PRIM2: variants seen among roughly 807,000 people sequenced by gnomAD.
PRIM2 encodes DNA primase large subunit.
Under a neutral mutation model 67.3 loss-of-function variants are expected in PRIM2, and 39 were observed. The observed-to-expected ratio is 0.58, with a 90% CI of 0.45 to 0.76. The LOEUF is 0.76. Among genes scored for constraint, PRIM2 ranks in the 30% least tolerant of loss-of-function variants. The pLI, the probability that PRIM2 is intolerant of heterozygous loss-of-function variation, is 0.00. For missense variants in PRIM2, 398 were observed against 598.7 expected (o/e 0.66, Z 3.50); for synonymous variants, 143 against 198.7 (o/e 0.72, Z 2.36).
At chr6:57,532,667 G>A (rs1458621648) in intron 9 of PRIM2, among the ~76,000 whole-genome samples, 184 bp downstream of exon 9, 1 of 152,106 alleles carries the variant, frequency 6.6e-6, no homozygotes, top group East Asian at 1.9e-4. Flanking sequence ...CATTTAATCA[G>A]AAAATTATCT....
chr6:57,560,784 T>C (rs1775610947), intron 10 of PRIM2, among the ~76,000 whole-genome samples: 1 of 152,188 alleles, frequency 6.6e-6, no homozygotes, highest in African/African-American at 2.4e-5. Context: ...GTCTCAATAG[T>C]GGGCTTAACT....
At chr6:57,434,607 G>A (rs1271521375) in intron 7 of PRIM2, among the ~76,000 whole-genome samples, 1 of 152,062 alleles carries the variant, frequency 6.6e-6, no homozygotes, top group African/African-American at 2.4e-5. Context: ...TAATTATTGA[G>A]TAAAAGTTAA....
At chr6:57,438,840 T>C (rs1224597520) in intron 7 of PRIM2, among the ~76,000 whole-genome samples, 1 of 150,936 alleles carries the variant, frequency 6.6e-6, no homozygotes, top group African/African-American at 2.4e-5. Context: ...TAGTGTGATC[T>C]CGGCTCACTG....
chr6:57,342,505 G>A (rs1169156108), intron 5 of PRIM2, among the ~76,000 whole-genome samples: 8 of 152,148 alleles, frequency 5.3e-5, no homozygotes, highest in Admixed American at 3.9e-4. Context: ...CTGTGCTCTC[G>A]CAGTCTAGAG....
chr6:57,229,172 T>C, the PRIM2 span, among the ~76,000 whole-genome samples: 43 of 152,354 alleles, frequency 2.8e-4, no homozygotes, highest in African/African-American at 1.0e-3. Context: ...TCTTCAAATA[T>C]TGCCTCTAAC....
At chr6:57,429,633 A>G (rs1448949046) in intron 7 of PRIM2, among the ~76,000 whole-genome samples, 2 of 152,206 alleles carry the variant, frequency 1.3e-5, no homozygotes, top group African/African-American at 4.8e-5. Flanking sequence ...TAAAGAGACA[A>G]TTAAGTTAAA....
chr6:57,370,426 C>T (rs559238815), intron 5 of PRIM2, among the ~76,000 whole-genome samples: 2 of 152,332 alleles, frequency 1.3e-5, no homozygotes, highest in South Asian at 4.1e-4. Flanking sequence ...AAGTTTCTGA[C>T]AGTCATCCTA....
At chr6:57,417,600 A>C (rs1193619216) in intron 7 of PRIM2, among the ~76,000 whole-genome samples, 3 of 152,212 alleles carry the variant, frequency 2.0e-5, no homozygotes, top group African/African-American at 7.2e-5. Context: ...CAAGACACAC[A>C]ATATTTCCTG....
At chr6:57,345,776 G>A (rs1460354550) in intron 5 of PRIM2, among the ~76,000 whole-genome samples, 2 of 152,174 alleles carry the variant, frequency 1.3e-5, no homozygotes, top group Admixed American at 6.5e-5. Flanking sequence ...CCTACGGGCT[G>A]CTGGTTGGCT....
intron 12 of PRIM2, among the ~76,000 whole-genome samples, chr6:57,608,997 G>A (rs1159120190): frequency 1.3e-5 from 2 of 152,118 alleles, no homozygotes; most frequent in African/African-American, 4.8e-5. Context: ...TTGTTTACCT[G>A]TTCATCTTTC....
chr6:57,567,905 A>G (rs1468874827), intron 10 of PRIM2, among the ~76,000 whole-genome samples: 1 of 152,192 alleles, frequency 6.6e-6, no homozygotes, highest in East Asian at 1.9e-4. Flanking sequence ...ATAATTCTGC[A>G]TTATGTTTTC....
chr6:57,599,107 C>T (rs1776418293), intron 10 of PRIM2, among the ~76,000 whole-genome samples: 1 of 64,474 alleles, frequency 1.6e-5, no homozygotes, highest in Non-Finnish European at 2.9e-5. Flanking sequence ...CTACCACACC[C>T]GGCTAATTTT....
At chr6:57,581,374 C>T (rs1423958519) in intron 10 of PRIM2, among the ~76,000 whole-genome samples, 13 of 152,132 alleles carry the variant, frequency 8.5e-5, no homozygotes, top group African/African-American at 2.9e-4. Flanking sequence ...GTCTTTTCGG[C>T]TAGAAGTATG....
chr6:57,504,159 C>T (rs1290215479), intron 7 of PRIM2, among the ~76,000 whole-genome samples: 1 of 152,150 alleles, frequency 6.6e-6, no homozygotes, highest in African/African-American at 2.4e-5. Context: ...CCTCCAGACT[C>T]CCTTTTGTCT....
chr6:57,310,376 A>G (rs1419417027), upstream of PRIM2, among the ~76,000 whole-genome samples: 2 of 152,258 alleles, frequency 1.3e-5, no homozygotes, highest in African/African-American at 4.8e-5. Flanking sequence ...GGGTAAGGTT[A>G]TAGATTAACA....
intron 10 of PRIM2, among the ~76,000 whole-genome samples, chr6:57,569,147 T>C: frequency 6.6e-6 from 1 of 152,242 alleles, no homozygotes; most frequent in Non-Finnish European, 1.5e-5. Context: ...CTAAGGTCTG[T>C]CTTATGCTCT....
the PRIM2 span, among the ~76,000 whole-genome samples, chr6:57,278,984 G>T: frequency 1.3e-5 from 2 of 152,188 alleles, no homozygotes; most frequent in Admixed American, 6.5e-5. Context: ...CAAATATTCT[G>T]TTATGCTTAT....
intron 7 of PRIM2, among the ~76,000 whole-genome samples, chr6:57,391,223 T>C (rs993248160): frequency 6.8e-6 from 1 of 146,584 alleles, no homozygotes; most frequent in Non-Finnish European, 1.5e-5. Context: ...TTGCCCACTT[T>C]TTAATGGGGT....
At chr6:57,230,419 C>T in the PRIM2 span, among the ~76,000 whole-genome samples, 28 of 152,104 alleles carry the variant, frequency 1.8e-4, no homozygotes, top group Non-Finnish European at 2.8e-4. Context: ...GGGGATTCCC[C>T]TTTCTTTGTT....
Sources: allele counts gnomAD v4.1 joint callset (sites outside exome capture counted in the v4.1 genomes callset), GRCh38; gene constraint gnomAD v4.1.1; transcripts MANE v1.5; gene names NCBI Gene and HGNC (gene_info 2026-07-23, HGNC 2026-07-21).